CHN2: variants seen among roughly 807,000 people sequenced by gnomAD.
CHN2 encodes the protein chimerin 2.
In CHN2, 35 loss-of-function variants were observed where a neutral mutation model predicts 56.3. The ratio of observed to expected loss-of-function variants is 0.62; its 90% CI spans 0.47 to 0.82. CHN2 has a LOEUF of 0.82. CHN2 is among the 40% of genes least tolerant of loss of function. The pLI is 0.00. For synonymous variants in CHN2, 210 were observed against 212.8 expected, an observed-to-expected ratio of 0.99 and a Z score of 0.12; for missense variants, 491 against 580.5, an observed-to-expected ratio of 0.85 and a Z score of 1.58.
At chr7:29,441,331 A>G (rs931398230) in intron 6 of CHN2, among the ~76,000 whole-genome samples, 1 of 152,022 alleles carries the variant, frequency 6.6e-6, no homozygotes, top group Non-Finnish European at 1.5e-5. Context: ...ACAACCTAAT[A>G]TTGGAGTGAA....
At chr7:29,189,666 A>ACT (rs902398630) in intron 2 of CHN2, among the ~76,000 whole-genome samples, 2 of 146,222 alleles carry the variant, frequency 1.4e-5, no homozygotes, top group African/African-American at 2.5e-5. Context: ...AGAAAGAAAA[A>ACT]CTCTCTCTCT....
chr7:29,394,564 C>T (rs1324016012), intron 4 of CHN2, among the ~76,000 whole-genome samples: 1 of 152,218 alleles, frequency 6.6e-6, no homozygotes, highest in African/African-American at 2.4e-5. Flanking sequence ...CTAATTGCCA[C>T]AGCTGCATTT....
At chr7:29,364,147 T>A (rs1304382641) in intron 2 of CHN2, among the ~76,000 whole-genome samples, 2 of 152,202 alleles carry the variant, frequency 1.3e-5, no homozygotes, top group Non-Finnish European at 2.9e-5. Context: ...ACAAAGTTAT[T>A]TTTTCTGGTT....
chr7:29,484,973 G>T (rs1351509025), intron 7 of CHN2, among the ~76,000 whole-genome samples: 1 of 152,186 alleles, frequency 6.6e-6, no homozygotes, highest in Admixed American at 6.5e-5. Flanking sequence ...CATCTGTAAA[G>T]AAAAGTTTTC....
At chr7:29,411,430 C>T (rs1055537137) in intron 6 of CHN2, among the ~76,000 whole-genome samples, 1 of 152,174 alleles carries the variant, frequency 6.6e-6, no homozygotes, top group Non-Finnish European at 1.5e-5. Context: ...CTCCCCACCC[C>T]ACCCCCAGAG....
chr7:29,363,959 C>T (rs577409650), intron 2 of CHN2, among the ~76,000 whole-genome samples: 44 of 152,098 alleles, frequency 2.9e-4, no homozygotes, highest in African/African-American at 1.0e-3. Flanking sequence ...ATTGTTTGAA[C>T]CCAGGAGTTT....
chr7:29,353,679 C>T (rs896285251), intron 1 of CHN2, among the ~76,000 whole-genome samples: 3 of 151,956 alleles, frequency 2.0e-5, no homozygotes, highest in African/African-American at 7.3e-5. Flanking sequence ...AACACAAGGA[C>T]GAGGGTAGTC....
At chr7:29,260,282 A>C (rs245982) in intron 1 of CHN2, among the ~76,000 whole-genome samples, 112,337 of 152,092 alleles carry the variant, frequency 0.74, 41,863 homozygotes, top group East Asian at 0.99. Flanking sequence ...TGGATCTTCT[A>C]TCTAACTTCG....
chr7:29,384,595 C>T (rs1402243748), intron 3 of CHN2, among the ~76,000 whole-genome samples: 5 of 152,154 alleles, frequency 3.3e-5, no homozygotes, highest in African/African-American at 1.2e-4. Context: ...AGCAAAAGGG[C>T]TCAATGCACG....
intron 6 of CHN2, among the ~76,000 whole-genome samples, chr7:29,414,268 C>A (rs1193839003): frequency 2.0e-5 from 3 of 152,132 alleles, no homozygotes; most frequent in African/African-American, 7.2e-5. Flanking sequence ...CTTTGAAACA[C>A]CCCCGAACTC....
At chr7:29,255,894 C>A (rs1789034989) in intron 1 of CHN2, among the ~76,000 whole-genome samples, 1 of 152,132 alleles carries the variant, frequency 6.6e-6, no homozygotes, top group South Asian at 2.1e-4. Context: ...AAACCATTAT[C>A]TAGAAACTGA....
At chr7:29,179,755 G>A (rs1797830628) in intron 2 of CHN2, among the ~76,000 whole-genome samples, 1 of 152,020 alleles carries the variant, frequency 6.6e-6, no homozygotes, top group South Asian at 2.1e-4. Flanking sequence ...GCAAAACACG[G>A]GTAAGAACTG....
At chr7:29,434,987 G>C (rs1339150505) in intron 6 of CHN2, among the ~76,000 whole-genome samples, 2 of 152,138 alleles carry the variant, frequency 1.3e-5, no homozygotes, top group African/African-American at 2.4e-5. Context: ...CAGCTACTCA[G>C]GAGCTGAGTT....
chr7:29,443,762 G>C (rs995276433), intron 6 of CHN2, among the ~76,000 whole-genome samples: 1 of 151,860 alleles, frequency 6.6e-6, no homozygotes, highest in Non-Finnish European at 1.5e-5. Flanking sequence ...GAGATGGCAG[G>C]GGGGTGAGAG....
At chr7:29,398,628 ACT>A in intron 5 of CHN2, 142 bp downstream of exon 5, 2 of 618,006 alleles carry the variant, frequency 3.2e-6, no homozygotes, top group East Asian at 5.7e-5. Flanking sequence ...GGGGGGTCCC[ACT>A]CTCTCACCCA....
At chr7:29,480,419 AGTTTCCGTCTG>A in intron 7 of CHN2, 63 bp downstream of exon 7, 3 of 1,506,492 alleles carry the variant, frequency 2.0e-6, no homozygotes, top group South Asian at 2.3e-5. Context: ...TACAGTGTAT[AGTTTCCGTCTG>A]GTTTCTGACT....
intron 6 of CHN2, among the ~76,000 whole-genome samples, chr7:29,435,771 G>A (rs1474620612): frequency 1.3e-5 from 2 of 151,824 alleles, no homozygotes; most frequent in Non-Finnish European, 2.9e-5. Flanking sequence ...ACCAGTCTAG[G>A]AATTCAGAAA....
chr7:29,190,595 AGGG>A (rs1782764342), upstream of CHN2, among the ~76,000 whole-genome samples: 3 of 152,172 alleles, frequency 2.0e-5, no homozygotes, highest in African/African-American at 7.2e-5. Context: ...CCGGTGAAGG[AGGG>A]TGGGGTGGGG....
intron 5 of CHN2, 136 bp from the exon 6 acceptor site, chr7:29,400,407 A>AG (rs1802106479): frequency 3.6e-6 from 3 of 823,066 alleles, no homozygotes; most frequent in South Asian, 1.8e-5. Context: ...GCGTTAGGGG[A>AG]AAAAAAATCA....
Sources: gnomAD v4.1 joint callset for allele counts (sites outside exome capture counted in the v4.1 genomes callset) on GRCh38, gnomAD v4.1.1 for gene constraint, MANE v1.5 for transcripts, NCBI Gene and HGNC (gene_info 2026-07-23, HGNC 2026-07-21) for gene names.